RUBCN: variants seen among roughly 807,000 people sequenced by gnomAD.
RUBCN encodes rubicon autophagy regulator.
Under a neutral mutation model 113.2 loss-of-function variants are expected in RUBCN, and 74 were observed. The observed-to-expected ratio is 0.65, with a 90% confidence interval of 0.54 to 0.79. The LOEUF (loss-of-function observed/expected upper bound fraction) is 0.79, where lower values mean the gene tolerates loss of function less well. Among genes scored for constraint, RUBCN ranks in the 30% least tolerant of loss-of-function variants. The pLI, the probability that RUBCN is intolerant of heterozygous loss-of-function variation, is 0.00. For synonymous variants in RUBCN, 480 were observed against 490.0 expected (o/e 0.98, Z 0.27); for missense variants, 1,109 against 1,251.7 (o/e 0.89, Z 1.72).
rs977301885 is a variant in RUBCN at position 197,682,405 on chromosome 3, G to A, written c.2126+65C>T. On this transcript the variant is annotated intron_variant, in intron 14 of 19. Transcript: ENST00000296343. ...GGAGGCAGGGACAAGTGGGTGAGAC[G>A]AAAACCCTGACAATCCAAAGAGGAC... is the stretch of plus-strand genomic sequence containing the variant. 16 of 1,598,092 alleles carry A rather than the reference G, an allele frequency of 1.0e-5. No individual in the cohort carries two copies. The Admixed American group carries it at 1.0e-4, about 10-fold the overall frequency.
chr3:197,676,765 C>A (rs1580136905), intron 18 of RUBCN, 120 bp downstream of exon 18: 2 of 1,577,542 alleles, frequency 1.3e-6, no homozygotes, highest in African/African-American at 1.3e-5. Flanking sequence ...AGTTCCTCTC[C>A]CAGTGCTGAC....
upstream of RUBCN, among the ~76,000 whole-genome samples, chr3:197,739,668 C>A (rs578059346): frequency 2.0e-5 from 3 of 152,284 alleles, no homozygotes; most frequent in South Asian, 6.2e-4. Context: ...CACTGCACTC[C>A]AGCCTGGAAG....
intron 1 of RUBCN, among the ~76,000 whole-genome samples, chr3:197,735,829 C>A (rs1001818210): frequency 6.6e-6 from 1 of 152,054 alleles, no homozygotes; most frequent in Non-Finnish European, 1.5e-5. Flanking sequence ...TGGACTCAAG[C>A]GACCCGCCTC....
At chr3:197,710,408 C>T (rs1724825564) in intron 2 of RUBCN, among the ~76,000 whole-genome samples, 2 of 151,902 alleles carry the variant, frequency 1.3e-5, no homozygotes. Context: ...CAAGACCAGC[C>T]TGACCAACAT....
At chr3:197,678,333 CT>C (rs1455543942) in intron 16 of RUBCN, among the ~76,000 whole-genome samples, 1 of 149,002 alleles carries the variant, frequency 6.7e-6, no homozygotes, top group East Asian at 2.1e-4. Context: ...AACTCGACAA[CT>C]GGCTTCAGAC....
At chr3:197,677,083 G>A (rs1306782197) in intron 17 of RUBCN, 45 bp from the exon 18 acceptor site, 1 of 1,569,766 alleles carries the variant, frequency 6.4e-7, no homozygotes, top group Admixed American at 1.7e-5. Flanking sequence ...AACAGTGCAT[G>A]TGCCACATCG....
chr3:197,694,096 G>A (rs1222111843), intron 10 of RUBCN: 2 of 595,728 alleles, frequency 3.4e-6, no homozygotes, highest in East Asian at 3.8e-5. Context: ...TCACCATGTT[G>A]GCCAGGCAGG....
At chr3:197,738,909 T>G (rs1397206862), upstream of RUBCN, among the ~76,000 whole-genome samples, 5 of 152,158 alleles carry the variant, frequency 3.3e-5, no homozygotes, top group East Asian at 9.6e-4. Flanking sequence ...TCTAGTTCTA[T>G]AAATGTATGA....
In RUBCN at chr3:197,669,088, T is replaced by G. The variant is rs181472649; in HGVS notation, c.*5930A>C. Among the ~76,000 whole-genome samples the G allele has an allele frequency of 9.2e-5, 14 of 152,348 alleles. No homozygotes were observed. The East Asian group carries it at 2.3e-3, about 25-fold the overall frequency. ...TAAACTTCTTAATCTGGAATAATTTTAGATCCACAGTAAAGTTGCAAAGAT... is the reference window on the plus strand; with the variant it reads ...TAAACTTCTTAATCTGGAATAATTTGAGATCCACAGTAAAGTTGCAAAGAT... On this transcript the variant is annotated 3_prime_UTR_variant, in exon 20 of 20. Transcript: ENST00000296343.
chr3:197,701,115 G>T lies in RUBCN; in HGVS notation c.759C>A (p.Gly253=). 6.4e-7 allele frequency: 1 copy of T among 1,570,586 alleles called. No homozygotes were observed. The highest frequency in any genetic ancestry group is 8.6e-7 in the Non-Finnish European group (1 of 1,158,190). The change falls in exon 7 of 20, where the codon GGC becomes GGA. Residue 253 remains glycine (G), a synonymous_variant. Transcript: ENST00000296343. ...TGCTTTCTTGAGGTTTCCGGGGAGG[G>T]CCAGAGAGTGGAAAGGAAGTAGATC... is the stretch of plus-strand genomic sequence containing the variant. ...ERRSTSFPLS[G]PPRKPQESRG...
intron 17 of RUBCN, 54 bp from the exon 18 acceptor site, chr3:197,677,092 CGTA>C: frequency 6.5e-7 from 1 of 1,549,830 alleles, no homozygotes; most frequent in Non-Finnish European, 8.9e-7. Flanking sequence ...TGTGCCACAT[CGTA>C]GTAGAAGGAT....
At chr3:197,723,348 G>C (rs1387216796) in intron 1 of RUBCN, among the ~76,000 whole-genome samples, 1 of 151,874 alleles carries the variant, frequency 6.6e-6, no homozygotes, top group Non-Finnish European at 1.5e-5. Flanking sequence ...ACCACACCCA[G>C]CTAATATTTG....
chr3:197,696,975 T>C lies in RUBCN; in HGVS notation c.1336A>G (p.Ser446Gly). 1 of 1,602,426 alleles carries C rather than the reference T, an allele frequency of 6.2e-7. No individual in the cohort carries two copies. The change falls in exon 8 of 20, where the codon AGC becomes GGC. Residue 446 changes from serine (S) to glycine (G), a missense_variant. Transcript: ENST00000296343. ...TCACCATATTCCATGTACAGAGAGCTGGGTGTGCTGACTTCACTGCTTTGA... is the reference window on the plus strand; with the variant it reads ...TCACCATATTCCATGTACAGAGAGCCGGGTGTGCTGACTTCACTGCTTTGA... ...SGQSSEVSTPSSLYMEYEGGR... is the reference protein window; with the variant it reads ...SGQSSEVSTPGSLYMEYEGGR...
Position 197,707,974 on chromosome 3 carries a change from A to AT in RUBCN, c.220-2800_220-2799insA, listed in dbSNP as rs532748879. Among the ~76,000 whole-genome samples the AT allele has an allele frequency of 3.9e-3, 600 of 152,148 alleles. 3 individuals are homozygous for AT. The highest frequency in any genetic ancestry group is 0.013 in the African/African-American group (534 of 41,510). On this transcript the variant is annotated intron_variant, in intron 2 of 19. Coordinates refer to ENST00000296343, the MANE Select transcript of RUBCN (RefSeq NM_014687.4). The stretch of plus-strand genomic sequence containing the variant: ...GCAATACTCTGTCTCAAAAAAAAAA[A>AT]AATAATAATAATGCAAGTTCTGATT...
intron 1 of RUBCN, among the ~76,000 whole-genome samples, chr3:197,733,575 T>G (rs535408968): frequency 4.9e-4 from 74 of 152,318 alleles, no homozygotes; most frequent in Non-Finnish European, 8.5e-4. Context: ...AAGGTTATGT[T>G]TGCAGTAACC....
intron 1 of RUBCN, among the ~76,000 whole-genome samples, chr3:197,735,742 C>T (rs1453302251): frequency 2.0e-5 from 3 of 151,940 alleles, no homozygotes; most frequent in Admixed American, 2.0e-4. Flanking sequence ...CAGGTGAGCA[C>T]CACCACGCCG....
At chr3:197,749,249 A>C (rs1322254923) in intron 1 of RUBCN, 23 of 1,027,118 alleles carry the variant, frequency 2.2e-5, no homozygotes, top group Non-Finnish European at 2.7e-5. Flanking sequence ...AAATGCAGCT[A>C]CATCAACAGA....
chr3:197,726,365 G>A (rs1560465947), intron 1 of RUBCN, among the ~76,000 whole-genome samples: 5 of 151,624 alleles, frequency 3.3e-5, no homozygotes, highest in Non-Finnish European at 7.4e-5. Context: ...TCCTGCCTCA[G>A]CCTCCCAGGT....
chr3:197,692,734 G>C (rs1291988337), intron 11 of RUBCN, among the ~76,000 whole-genome samples: 1 of 152,130 alleles, frequency 6.6e-6, no homozygotes, highest in East Asian at 1.9e-4. Flanking sequence ...GGAGAACATA[G>C]AAGGAAGACT....
Sources: gnomAD v4.1 joint callset for allele counts (sites outside exome capture counted in the v4.1 genomes callset) on GRCh38, gnomAD v4.1.1 for gene constraint, MANE v1.5 for transcripts, NCBI Gene and HGNC (gene_info 2026-07-23, HGNC 2026-07-21) for gene names.